GSTM2: variants seen among roughly 807,000 people sequenced by gnomAD.
GSTM2 encodes the protein GST class-mu 2.
A neutral mutation model predicts 33.3 loss-of-function variants in GSTM2; 33 were observed. The observed-to-expected ratio is 0.99, with a 90% CI of 0.75 to 1.33. The LOEUF is 1.33. Among genes scored for constraint, GSTM2 ranks in the 40% most tolerant of loss-of-function variants. GSTM2 has a pLI of 0.00. For missense variants in GSTM2, 213 were observed against 265.8 expected, an observed-to-expected ratio of 0.80 and a Z score of 1.38; for synonymous variants, 93 against 95.6, an observed-to-expected ratio of 0.97 and a Z score of 0.16.
chr1:109,678,249 A>G (rs1029579847), downstream of GSTM2, among the ~76,000 whole-genome samples: 1 of 152,100 alleles, frequency 6.6e-6, no homozygotes, highest in Non-Finnish European at 1.5e-5. Flanking sequence ...GGTTCAAGCG[A>G]TTCTCTTGCC....
At chr1:109,673,309 AG>A in intron 7 of GSTM2, 1 of 1,584,234 alleles carries the variant, frequency 6.3e-7, no homozygotes, top group Non-Finnish European at 8.6e-7. Flanking sequence ...CATAGATGAC[AG>A]CCCCATCCTG....
chr1:109,678,349 C>G (rs1456056600), downstream of GSTM2, among the ~76,000 whole-genome samples: 5 of 152,096 alleles, frequency 3.3e-5, no homozygotes, highest in Non-Finnish European at 7.4e-5. Context: ...GATGGCCAGG[C>G]TGGTCTCAAA....
At position 109,668,105 on chromosome 1, in the gene GSTM2, C is replaced by T; in HGVS notation, c.-11C>T. On this transcript the variant is annotated 5_prime_UTR_variant, in exon 1 of 8. Coordinates refer to ENST00000241337, the MANE Select transcript of GSTM2 (RefSeq NM_000848.4). ...TGAGGCCTGTCTGCAGAATCCACAG[C>T]AACCAGCACCATGCCCATGACACTG... 7 of 1,613,718 alleles carry T rather than the reference C, an allele frequency of 4.3e-6. No homozygotes were observed. The highest frequency in any genetic ancestry group is 5.9e-6 in the Non-Finnish European group (7 of 1,179,696).
downstream of GSTM2, among the ~76,000 whole-genome samples, chr1:109,677,242 G>A (rs1647728694): frequency 6.6e-6 from 1 of 152,170 alleles, no homozygotes; most frequent in Admixed American, 6.6e-5. Flanking sequence ...AGCCACTTTG[G>A]AATACTGGCA....
chr1:109,668,268 G>C, intron 1 of GSTM2, 117 bp downstream of exon 1: 1 of 1,350,852 alleles, frequency 7.4e-7, no homozygotes, highest in Non-Finnish European at 1.1e-6. Flanking sequence ...TGACAGCGGG[G>C]TCTGTGCTTG....
intron 7 of GSTM2, chr1:109,673,242 C>T (rs1570630238): frequency 1.2e-6 from 2 of 1,612,036 alleles, no homozygotes; most frequent in Admixed American, 1.7e-5. Context: ...TGATTTTACT[C>T]CTGTTCACTG....
chr1:109,673,885 C>T (rs1178451612), intron 7 of GSTM2, among the ~76,000 whole-genome samples: 7 of 152,146 alleles, frequency 4.6e-5, no homozygotes, highest in East Asian at 1.9e-4. Context: ...AGGTGTGAGC[C>T]GGATGTTTTT....
In GSTM2 at chr1:109,669,486, A is replaced by T; in HGVS notation, c.275A>T (p.Lys92Met). The T allele has an allele frequency of 6.2e-7, 1 of 1,614,032 alleles. No homozygotes were observed. The highest frequency in any genetic ancestry group is 8.5e-7 in the Non-Finnish European group (1 of 1,179,904). The change falls in exon 5 of 8, where the codon AAG becomes ATG. Residue 92 changes from lysine (K) to methionine (M), a missense_variant. By Grantham distance (95) the Lys-to-Met change is moderately conservative. Transcript: ENST00000241337. ...ACGAGGGTAGGCGGGGAATCAGAAA[A>T]GGAGCAGATTCGCGAAGACATTTTG... ...RKHNLCGESE[K>M]EQIREDILEN...
At chr1:109,676,391 G>A (rs56131093), downstream of GSTM2, among the ~76,000 whole-genome samples, 53,257 of 151,950 alleles carry the variant, frequency 0.35, 11,197 homozygotes, top group Non-Finnish European at 0.47. Flanking sequence ...TTACTCTGTC[G>A]CCTAGGCTGG....
In GSTM2 at chr1:109,672,985, T is replaced by TC. The variant is rs546357130; in HGVS notation, c.567+1403dup. 2.3e-4 allele frequency among the ~76,000 whole-genome samples: 35 copies of TC among 151,506 alleles called. No individual in the cohort carries two copies. The South Asian group carries it at 7.1e-3, about 31-fold the overall frequency. ...CCTGGGTTCAAGTGATTCTCCTGCC[T>TC]CAGCCTCTTGAGTAGCTGGGATTAC... is the stretch of plus-strand genomic sequence containing the variant. On this transcript the variant is annotated intron_variant, in intron 7 of 7. Transcript: ENST00000241337.
chr1:109,668,560 G>C (rs1557957532), intron 2 of GSTM2, 60 bp downstream of exon 2: 2 of 1,574,254 alleles, frequency 1.3e-6, no homozygotes, highest in Non-Finnish European at 8.7e-7. Context: ...CCAAGCAACC[G>C]ATAGTGGCCA....
intron 2 of GSTM2, 32 bp downstream of exon 2, chr1:109,668,532 C>A (rs1351661040): frequency 6.2e-7 from 1 of 1,610,874 alleles, no homozygotes; most frequent in South Asian, 1.1e-5. Flanking sequence ...GGCCCTGCCC[C>A]CTCACACTAA....
Position 109,671,391 on chromosome 1 carries a change from G to T in GSTM2, c.456+9G>T. ...GGTTTCTTGGGGACAAGGTAATGGGGGCGTGTGATGGGGACACCACAGATT... is the reference window on the plus strand; with the variant it reads ...GGTTTCTTGGGGACAAGGTAATGGGTGCGTGTGATGGGGACACCACAGATT... On this transcript the variant is annotated intron_variant, in intron 6 of 7. Coordinates refer to ENST00000241337, the MANE Select transcript of GSTM2 (RefSeq NM_000848.4). 1 of 1,599,890 alleles carries T rather than the reference G, an allele frequency of 6.3e-7. No homozygotes were observed. The highest frequency in any genetic ancestry group is 8.6e-7 in the Non-Finnish European group (1 of 1,166,960).
intron 7 of GSTM2, 142 bp from the exon 8 acceptor site, chr1:109,674,605 A>G: frequency 1.0e-6 from 1 of 956,126 alleles, no homozygotes; most frequent in Non-Finnish European, 1.6e-6. Flanking sequence ...GGGGACCCTA[A>G]GAAGCTGTGT....
chr1:109,668,333 C>A lies in GSTM2; in HGVS notation c.37-92C>A, dbSNP rs1411945379. 5 of 1,463,104 alleles carry A rather than the reference C, an allele frequency of 3.4e-6. No homozygotes were observed. In the Admixed American group the frequency reaches 5.0e-5, roughly 15 times the overall value. The allele number at this position is 1,463,104 out of a possible 1,614,324, so 90.6% of individuals were successfully genotyped here. A position where few individuals can be genotyped will look rare whatever the true frequency, so the allele number is the denominator to read the frequency against. ...GGGGTGGGGGCGGGTGAGGCAGGAACGAGAGGAGGAGATGGGGCTCCCCTT... is the reference window on the plus strand; with the variant it reads ...GGGGTGGGGGCGGGTGAGGCAGGAAAGAGAGGAGGAGATGGGGCTCCCCTT... On this transcript the variant is annotated intron_variant, in intron 1 of 7. Coordinates refer to ENST00000241337, the MANE Select transcript of GSTM2 (RefSeq NM_000848.4).
downstream of GSTM2, among the ~76,000 whole-genome samples, chr1:109,680,093 A>G (rs991620831): frequency 2.6e-5 from 4 of 151,638 alleles, no homozygotes; most frequent in Admixed American, 6.6e-5. Context: ...ACTCACACTG[A>G]ATGATACCGC....
At position 109,668,608 on chromosome 1, in the gene GSTM2, G is replaced by C; in HGVS notation, c.112+108G>C. 1.4e-5 allele frequency: 18 copies of C among 1,274,232 alleles called. 1 individual carries two copies. In the South Asian group the frequency reaches 2.0e-4, roughly 14 times the overall value. The allele number at this position is 1,274,232 out of a possible 1,614,324, so 78.9% of individuals were successfully genotyped here. A position where few individuals can be genotyped will look rare whatever the true frequency, so the allele number is the denominator to read the frequency against. On this transcript the variant is annotated intron_variant, in intron 2 of 7. Transcript: ENST00000241337. Reference sequence around the variant, plus strand: ...TCTGCAGGCCTCCCTTGCTGGAACTGCAGGCTGTCCCTTCCCTGAGCCCTG... The same window carrying C: ...TCTGCAGGCCTCCCTTGCTGGAACTCCAGGCTGTCCCTTCCCTGAGCCCTG...
downstream of GSTM2, among the ~76,000 whole-genome samples, chr1:109,679,887 T>A (rs1313106659): frequency 6.6e-6 from 1 of 152,096 alleles, no homozygotes; most frequent in Non-Finnish European, 1.5e-5. Flanking sequence ...TCTCAGCAAA[T>A]GAAGGAGGCA....
Position 109,669,496 on chromosome 1 carries a change from T to G in GSTM2, c.285T>G (p.Ile95Met), listed in dbSNP as rs1647453041. The change falls in exon 5 of 8, where the codon ATT (isoleucine) becomes ATG (methionine). Residue 95 changes from isoleucine (I) to methionine (M), a missense_variant. By Grantham distance (10) the Ile-to-Met change is conservative. Transcript: ENST00000241337. ...NLCGESEKEQ[I>M]REDILENQFM... ...GCGGGGAATCAGAAAAGGAGCAGAT[T>G]CGCGAAGACATTTTGGAGAACCAGT... 2.5e-6 allele frequency: 4 copies of G among 1,613,846 alleles called. No homozygotes were observed. The highest frequency in any genetic ancestry group is 3.4e-6 in the Non-Finnish European group (4 of 1,179,878).
Sources: allele counts gnomAD v4.1 joint callset (sites outside exome capture counted in the v4.1 genomes callset), GRCh38; gene constraint gnomAD v4.1.1; transcripts MANE v1.5; gene names NCBI Gene and HGNC (gene_info 2026-07-23, HGNC 2026-07-21).